Variants in HPSE2 observed in about 807,000 individuals in gnomAD.
The protein encoded by HPSE2 is inactive heparanase-2.
In HPSE2, 38 loss-of-function variants were observed where a neutral mutation model predicts 60.5. That is an observed-to-expected ratio of 0.63 (90% CI 0.48 to 0.82). The LOEUF is 0.82. Ranked by LOEUF, HPSE2 falls within the 40% of genes least tolerant of loss-of-function variation. HPSE2 has a pLI of 0.00. For missense variants in HPSE2, 713 were observed against 740.4 expected (o/e 0.96, Z 0.43); for synonymous variants, 295 against 293.2 (o/e 1.01, Z -0.06).
At chr10:98,616,582 A>G (rs1419592797) in intron 8 of HPSE2, among the ~76,000 whole-genome samples, 1 of 152,242 alleles carries the variant, frequency 6.6e-6, no homozygotes, top group Non-Finnish European at 1.5e-5. Flanking sequence ...TATTATTCCT[A>G]TATTTAAATG....
At chr10:98,810,668 T>C (rs962582444) in intron 3 of HPSE2, among the ~76,000 whole-genome samples, 1 of 152,062 alleles carries the variant, frequency 6.6e-6, no homozygotes, top group Non-Finnish European at 1.5e-5. Context: ...GGGTATACGG[T>C]CTTTTGGCTT....
At chr10:99,065,505 C>T (rs1227247321) in intron 3 of HPSE2, among the ~76,000 whole-genome samples, 2 of 152,110 alleles carry the variant, frequency 1.3e-5, no homozygotes, top group Non-Finnish European at 2.9e-5. Context: ...ACATGAAGCC[C>T]CCACATTCCC....
At chr10:98,803,166 T>C (rs1177500084) in intron 3 of HPSE2, among the ~76,000 whole-genome samples, 1 of 151,378 alleles carries the variant, frequency 6.6e-6, no homozygotes, top group Non-Finnish European at 1.5e-5. Flanking sequence ...TTTGATGGCG[T>C]TGTTTGTTTT....
At chr10:98,572,098 G>A (rs1282697831) in intron 9 of HPSE2, among the ~76,000 whole-genome samples, 4 of 151,938 alleles carry the variant, frequency 2.6e-5, no homozygotes, top group East Asian at 1.9e-4. Flanking sequence ...CCACCACCAC[G>A]CCCAGCTACT....
At chr10:99,042,666 C>T (rs903678803) in intron 3 of HPSE2, among the ~76,000 whole-genome samples, 4 of 151,998 alleles carry the variant, frequency 2.6e-5, no homozygotes, top group African/African-American at 9.7e-5. Flanking sequence ...AAGGGCCCAC[C>T]GAGAAAGGTG....
At chr10:98,964,209 T>C (rs1217287172) in intron 3 of HPSE2, among the ~76,000 whole-genome samples, 1 of 152,174 alleles carries the variant, frequency 6.6e-6, no homozygotes, top group Non-Finnish European at 1.5e-5. Flanking sequence ...TTTTATTTTA[T>C]TTTCAATTAT....
At chr10:98,517,202 G>T (rs1018936692) in intron 9 of HPSE2, among the ~76,000 whole-genome samples, 1 of 150,008 alleles carries the variant, frequency 6.7e-6, no homozygotes, top group African/African-American at 2.5e-5. Context: ...TGTGGGGTGG[G>T]GGGGGCGAGG....
At chr10:99,286,434 AT>A in the HPSE2 span, among the ~76,000 whole-genome samples, 1 of 152,204 alleles carries the variant, frequency 6.6e-6, no homozygotes, top group African/African-American at 2.4e-5. Context: ...CAAGCCAGAC[AT>A]AAAAGGACAA....
At chr10:98,676,663 G>C (rs1947649777) in intron 6 of HPSE2, among the ~76,000 whole-genome samples, 1 of 152,078 alleles carries the variant, frequency 6.6e-6, no homozygotes, top group Non-Finnish European at 1.5e-5. Context: ...GATTCATGTA[G>C]AACACTGTTC....
At chr10:98,744,318 G>A (rs1338183444) in intron 3 of HPSE2, among the ~76,000 whole-genome samples, 6 of 151,882 alleles carry the variant, frequency 4.0e-5, no homozygotes, top group Non-Finnish European at 7.4e-5. Flanking sequence ...ACCTAAGGTC[G>A]GGAGTTCGAG....
chr10:98,756,690 A>G (rs1949885932), intron 3 of HPSE2, among the ~76,000 whole-genome samples: 1 of 152,092 alleles, frequency 6.6e-6, no homozygotes, highest in African/African-American at 2.4e-5. Flanking sequence ...AAGCCTACCA[A>G]CCAAAAAACA....
intron 2 of HPSE2, among the ~76,000 whole-genome samples, chr10:99,201,687 T>C (rs1848579788): frequency 6.6e-6 from 1 of 152,210 alleles, no homozygotes; most frequent in South Asian, 2.1e-4. Context: ...TTAGGCACTT[T>C]GTGAAACACA....
At chr10:98,910,509 G>A (rs1953950507) in intron 3 of HPSE2, among the ~76,000 whole-genome samples, 1 of 152,150 alleles carries the variant, frequency 6.6e-6, no homozygotes, top group African/African-American at 2.4e-5. Context: ...GTATTTTTCA[G>A]TTTGTATGCT....
At position 98,963,460 on chromosome 10, in the gene HPSE2, A is replaced by G. The variant is rs148638223; in HGVS notation, c.610+180778T>C. ...TCCAATAGTTGCTAAGCTTTCTTTTACAAGGACTGAGTCTCAACATGCTTG... is the reference window on the plus strand; with the variant it reads ...TCCAATAGTTGCTAAGCTTTCTTTTGCAAGGACTGAGTCTCAACATGCTTG... On this transcript the variant is annotated intron_variant, in intron 3 of 11. Transcript: ENST00000370552. Among the ~76,000 whole-genome samples the G allele has an allele frequency of 5.4e-3, 821 of 152,220 alleles. 5 individuals carry two copies. Among genetic ancestry groups the G allele is most frequent in the African/African-American group, 0.019 (784 of 41,556 alleles).
rs1950126301 is a variant in HPSE2 at position 98,766,710 on chromosome 10, A to G, written c.611-22654T>C. On this transcript the variant is annotated intron_variant, in intron 3 of 11. Coordinates refer to ENST00000370552, the MANE Select transcript of HPSE2 (RefSeq NM_021828.5). ...GAGGCTGAGGCAGGCAGATTGCTTG[A>G]GCTCAGGAATTGGAGACCAGCCTGG... is the stretch of plus-strand genomic sequence containing the variant. Among the ~76,000 whole-genome samples the G allele has an allele frequency of 1.3e-5, 2 of 152,108 alleles. 1 individual carries two copies. Among genetic ancestry groups the G allele is most frequent in the South Asian group, 4.1e-4 (2 of 4,828 alleles).
At chr10:98,913,324 C>A (rs1323487535) in intron 3 of HPSE2, among the ~76,000 whole-genome samples, 5 of 152,266 alleles carry the variant, frequency 3.3e-5, no homozygotes, top group Non-Finnish European at 2.9e-5. Context: ...ACTGTTCCTG[C>A]AACTTGGGTA....
intron 3 of HPSE2, among the ~76,000 whole-genome samples, chr10:98,888,351 C>T (rs1358840297): frequency 6.6e-6 from 1 of 152,040 alleles, no homozygotes; most frequent in Non-Finnish European, 1.5e-5. Context: ...ATCATCTTTA[C>T]TGAAGGTGAA....
chr10:99,192,773 A>C (rs1848265328), intron 2 of HPSE2, among the ~76,000 whole-genome samples: 1 of 152,184 alleles, frequency 6.6e-6, no homozygotes, highest in Non-Finnish European at 1.5e-5. Context: ...TTTATCCTAG[A>C]ATAGTATATT....
the HPSE2 span, among the ~76,000 whole-genome samples, chr10:99,249,362 T>C: frequency 5.3e-5 from 8 of 152,222 alleles, no homozygotes; most frequent in African/African-American, 1.7e-4. Context: ...GGAGATTATT[T>C]TGGAGCTTTA....
Sources: allele counts gnomAD v4.1 joint callset (sites outside exome capture counted in the v4.1 genomes callset), GRCh38; gene constraint gnomAD v4.1.1; transcripts MANE v1.5; gene names NCBI Gene and HGNC (gene_info 2026-07-23, HGNC 2026-07-21).